Variants in ISM1 observed in about 807,000 individuals in gnomAD.
ISM1 encodes the protein isthmin 1.
Under a neutral mutation model 46.3 loss-of-function variants are expected in ISM1, and 25 were observed. The ratio of observed to expected loss-of-function variants is 0.54; its 90% CI spans 0.39 to 0.75. The LOEUF (loss-of-function observed/expected upper bound fraction) is 0.75. Among genes scored for constraint, ISM1 ranks in the 30% least tolerant of loss-of-function variants. The pLI is 0.00. For missense variants in ISM1, 536 were observed against 625.4 expected, an observed-to-expected ratio of 0.86 and a Z score of 1.52; for synonymous variants, 255 against 256.7, an observed-to-expected ratio of 0.99 and a Z score of 0.06.
intron 1 of ISM1, among the ~76,000 whole-genome samples, chr20:13,241,368 C>G (rs1479725132): frequency 6.6e-6 from 1 of 152,032 alleles, no homozygotes; most frequent in African/African-American, 2.4e-5. Flanking sequence ...ATCAGAGATA[C>G]CAGGGCATCT....
chr20:13,248,247 G>C (rs1477615665), intron 1 of ISM1, among the ~76,000 whole-genome samples: 4 of 152,052 alleles, frequency 2.6e-5, no homozygotes, highest in Non-Finnish European at 5.9e-5. Flanking sequence ...ATTTCTTGTT[G>C]CTCCACTTGA....
intron 3 of ISM1, among the ~76,000 whole-genome samples, 191 bp downstream of exon 3, chr20:13,280,089 T>C (rs1268104043): frequency 2.6e-5 from 4 of 152,214 alleles, no homozygotes; most frequent in Non-Finnish European, 2.9e-5. Flanking sequence ...GGAAAGACTA[T>C]AATTTTAAAT....
intron 1 of ISM1, among the ~76,000 whole-genome samples, chr20:13,258,302 A>G (rs76673894): frequency 0.01 from 1,524 of 152,108 alleles, 27 homozygotes; most frequent in African/African-American, 0.035. Context: ...CCAACCCCAC[A>G]GCTCTCTCTT....
the ISM1 span, among the ~76,000 whole-genome samples, chr20:13,318,194 C>T: frequency 7.1e-6 from 1 of 140,174 alleles, no homozygotes; most frequent in Middle Eastern, 3.6e-3. Context: ...AGACACTTCA[C>T]CAAAGAAGAT....
chr20:13,286,929 C>G (rs1301741589), intron 3 of ISM1, among the ~76,000 whole-genome samples: 1 of 152,162 alleles, frequency 6.6e-6, no homozygotes, highest in East Asian at 1.9e-4. Flanking sequence ...GGCCCAAGGC[C>G]ATAGGAAGAT....
Position 13,236,113 on chromosome 20 carries a change from C to T in ISM1, c.138+14199C>T, listed in dbSNP as rs144596796. On this transcript the variant is annotated intron_variant, in intron 1 of 5. Coordinates refer to ENST00000262487, the MANE Select transcript of ISM1 (RefSeq NM_080826.2). ...CTAATTTTTATATTTTTAGTAGAGACGGGGTTTCACCATGTTGGCCAGAAT... is the reference window on the plus strand; with the variant it reads ...CTAATTTTTATATTTTTAGTAGAGATGGGGTTTCACCATGTTGGCCAGAAT... Among the ~76,000 whole-genome samples, 980 of 151,986 alleles carry T rather than the reference C, an allele frequency of 6.4e-3. 17 individuals carry two copies. Among genetic ancestry groups the T allele is most frequent in the African/African-American group, 0.022 (918 of 41,420 alleles).
chr20:13,278,207 A>C (rs2040202228), intron 2 of ISM1, among the ~76,000 whole-genome samples: 1 of 152,138 alleles, frequency 6.6e-6, no homozygotes, highest in Non-Finnish European at 1.5e-5. Context: ...CTCTACGTTG[A>C]TTGTCTCTTG....
chr20:13,271,903 C>T (rs999488212), intron 2 of ISM1, among the ~76,000 whole-genome samples: 4 of 152,114 alleles, frequency 2.6e-5, no homozygotes, highest in African/African-American at 9.7e-5. Context: ...CTCAGCCTCC[C>T]GAGTAGCTGG....
chr20:13,269,608 A>G (rs1160650177), intron 1 of ISM1, among the ~76,000 whole-genome samples: 1 of 152,098 alleles, frequency 6.6e-6, no homozygotes, highest in Non-Finnish European at 1.5e-5. Context: ...TCCTTTTGCT[A>G]AAATGTCCTT....
At chr20:13,319,180 T>C in the ISM1 span, among the ~76,000 whole-genome samples, 5 of 151,990 alleles carry the variant, frequency 3.3e-5, no homozygotes, top group Admixed American at 6.5e-5. Flanking sequence ...CTAAAAATGC[T>C]CTGAAACAAT....
chr20:13,256,142 T>A (rs564335569), intron 1 of ISM1, among the ~76,000 whole-genome samples: 1 of 152,196 alleles, frequency 6.6e-6, no homozygotes, highest in South Asian at 2.1e-4. Flanking sequence ...ATGCCTGTTA[T>A]CCCAGCACTT....
At chr20:13,267,415 T>C (rs2040055181) in intron 1 of ISM1, among the ~76,000 whole-genome samples, 1 of 152,234 alleles carries the variant, frequency 6.6e-6, no homozygotes, top group South Asian at 2.1e-4. Context: ...CAGAGGTACT[T>C]GTGGCCTGAA....
intron 1 of ISM1, among the ~76,000 whole-genome samples, chr20:13,225,149 G>A (rs56084709): frequency 0.012 from 1,877 of 151,996 alleles, 16 homozygotes; most frequent in Non-Finnish European, 0.016. Context: ...CACCGCGCCC[G>A]GCCCATACTA....
At chr20:13,266,211 G>C (rs1013358576) in intron 1 of ISM1, among the ~76,000 whole-genome samples, 5 of 152,190 alleles carry the variant, frequency 3.3e-5, no homozygotes, top group Non-Finnish European at 7.3e-5. Flanking sequence ...AAGAAAAAGA[G>C]GGGACTAGAC....
chr20:13,264,205 A>G (rs527723988), intron 1 of ISM1, among the ~76,000 whole-genome samples: 5 of 152,228 alleles, frequency 3.3e-5, no homozygotes, highest in Non-Finnish European at 7.3e-5. Flanking sequence ...TTTGCCAGCC[A>G]GTCTGCCTTC....
intron 3 of ISM1, among the ~76,000 whole-genome samples, chr20:13,287,719 G>T (rs1445872602): frequency 2.6e-5 from 4 of 152,142 alleles, no homozygotes; most frequent in Non-Finnish European, 4.4e-5. Context: ...CATACAAAAA[G>T]GGTTCAATAG....
At position 13,270,634 on chromosome 20, in the gene ISM1, C is replaced by T. The variant is rs542309159; in HGVS notation, c.269C>T (p.Thr90Met). ...CCCAGACCGCGATTCCGACAAGAGA[C>T]GGGGCACCCTTCATTGCAAAGAGAT... ...PFPRPRFRQE[T>M]GHPSLQRDFP... The change falls in exon 2 of 6, where the codon ACG (threonine) becomes ATG (methionine). Residue 90 changes from threonine (T) to methionine (M), a missense_variant. By Grantham distance (81) the Thr-to-Met change is moderately conservative (BLOSUM62 -1). Transcript: ENST00000262487. 95 of 1,613,956 alleles carry T rather than the reference C, an allele frequency of 5.9e-5. No homozygotes were observed. Among genetic ancestry groups the T allele is most frequent in the South Asian group, 4.1e-4 (37 of 91,058 alleles).
intron 3 of ISM1, among the ~76,000 whole-genome samples, chr20:13,285,240 A>G (rs2040278975): frequency 6.6e-6 from 1 of 152,148 alleles, no homozygotes; most frequent in Non-Finnish European, 1.5e-5. Flanking sequence ...GCAATGAGCC[A>G]TGATGGTGCC....
chr20:13,278,853 G>C (rs772951159), intron 2 of ISM1, among the ~76,000 whole-genome samples: 2 of 152,206 alleles, frequency 1.3e-5, no homozygotes, highest in African/African-American at 4.8e-5. Context: ...CGTGGGCTGA[G>C]GGACCTTGGT....
Sources: gnomAD v4.1 joint callset for allele counts (sites outside exome capture counted in the v4.1 genomes callset) on GRCh38, gnomAD v4.1.1 for gene constraint, MANE v1.5 for transcripts, NCBI Gene and HGNC (gene_info 2026-07-23, HGNC 2026-07-21) for gene names.